WDR19: variants seen among roughly 807,000 people sequenced by gnomAD.
WDR19 encodes WD repeat-containing protein 19.
In WDR19, 121 loss-of-function variants were observed where a neutral mutation model predicts 180.0. That is an observed-to-expected ratio of 0.67 (90% CI 0.58 to 0.78). The LOEUF (loss-of-function observed/expected upper bound fraction) is 0.78. WDR19 is among the 30% of genes least tolerant of loss of function. The pLI, the probability that WDR19 is intolerant of heterozygous loss-of-function variation, is 0.00. For synonymous variants in WDR19, 497 were observed against 540.7 expected, an observed-to-expected ratio of 0.92 and a Z score of 1.12; for missense variants, 1,450 against 1,640.7, an observed-to-expected ratio of 0.88 and a Z score of 2.01.
At chr4:39,216,270 A>G in intron 12 of WDR19, 60 bp downstream of exon 12, 2 of 1,343,264 alleles carry the variant, frequency 1.5e-6, no homozygotes, top group Non-Finnish European at 2.0e-6. Context: ...CTTATTTGGG[A>G]AGCACTGCAA....
intron 9 of WDR19, among the ~76,000 whole-genome samples, chr4:39,207,684 G>T (rs533606660): frequency 1.3e-5 from 2 of 152,120 alleles, no homozygotes; most frequent in African/African-American, 4.8e-5. Flanking sequence ...TGAAATAAAA[G>T]CATTTTTAGA....
chr4:39,186,707 T>C, intron 3 of WDR19, 103 bp downstream of exon 3: 1 of 776,702 alleles, frequency 1.3e-6, no homozygotes, highest in Non-Finnish European at 2.0e-6. Context: ...CTTTTGCTTC[T>C]TCCATTTGCA....
At chr4:39,247,872 G>A (rs1236702975) in intron 24 of WDR19, among the ~76,000 whole-genome samples, 7 of 152,166 alleles carry the variant, frequency 4.6e-5, no homozygotes, top group South Asian at 2.1e-4. Context: ...CCAAATCTAC[G>A]TCTAATTGGT....
chr4:39,247,719 G>A (rs1180571388), intron 24 of WDR19, among the ~76,000 whole-genome samples: 1 of 152,162 alleles, frequency 6.6e-6, no homozygotes, highest in African/African-American at 2.4e-5. Context: ...ACAAGCCTCA[G>A]TAACCGATGT....
chr4:39,214,138 T>C (rs1248439919), intron 9 of WDR19, among the ~76,000 whole-genome samples: 1 of 152,220 alleles, frequency 6.6e-6, no homozygotes, highest in Non-Finnish European at 1.5e-5. Context: ...AACCTGATCC[T>C]TCTGATCCAA....
chr4:39,206,672 A>G (rs1442952121), intron 9 of WDR19, among the ~76,000 whole-genome samples: 1 of 152,220 alleles, frequency 6.6e-6, no homozygotes, highest in South Asian at 2.1e-4. Context: ...CCTTAAGCGC[A>G]TATGTATAGA....
chr4:39,248,045 A>G (rs1037966775), intron 24 of WDR19, among the ~76,000 whole-genome samples: 14 of 152,244 alleles, frequency 9.2e-5, no homozygotes, highest in Admixed American at 2.6e-4. Context: ...TCCAAGACAC[A>G]TAATTGTCAG....
intron 14 of WDR19, among the ~76,000 whole-genome samples, chr4:39,220,870 ATTTTTTTTTTT>A (rs34845614): frequency 8.2e-5 from 5 of 60,636 alleles, no homozygotes; most frequent in South Asian, 6.8e-4. Context: ...CTGCTAATTA[ATTTTTTTTTTT>A]TTTTTTTTTT....
chr4:39,265,065 C>T (rs1029750979), intron 28 of WDR19, among the ~76,000 whole-genome samples: 3 of 151,724 alleles, frequency 2.0e-5, no homozygotes, highest in South Asian at 2.1e-4. Context: ...ATTACAGGCA[C>T]GCACTACCAC....
At chr4:39,252,503 TATA>T (rs994750967) in intron 24 of WDR19, among the ~76,000 whole-genome samples, 64 of 149,154 alleles carry the variant, frequency 4.3e-4, no homozygotes, top group African/African-American at 1.5e-3. Context: ...AAACTTAAAG[TATA>T]ATAATAAAAA....
At position 39,245,578 on chromosome 4, in the gene WDR19, C is replaced by T. The variant is rs572120401; in HGVS notation, c.2729+126C>T. On this transcript the variant is annotated intron_variant, in intron 24 of 36. Transcript: ENST00000399820. ...AGACAGAAAACACCTTTAATTACCCCTTGTTGGCCTGAAGTGCCAGACTAT... is the reference window on the plus strand; with the variant it reads ...AGACAGAAAACACCTTTAATTACCCTTTGTTGGCCTGAAGTGCCAGACTAT... 6 of 912,574 alleles carry T rather than the reference C, an allele frequency of 6.6e-6. No homozygotes were observed. In the East Asian group the frequency reaches 8.0e-5, roughly 12 times the overall value. 56.5% of individuals were successfully genotyped at this position (912,574 alleles called of 1,614,324 possible).
At chr4:39,185,637 A>G (rs1725432119) in intron 1 of WDR19, 89 bp from the exon 2 acceptor site, 4 of 1,199,804 alleles carry the variant, frequency 3.3e-6, no homozygotes, top group Non-Finnish European at 4.8e-6. Context: ...CTATGAAAAC[A>G]TGGTTTTCAT....
chr4:39,242,642 C>T (rs56009503), intron 21 of WDR19, among the ~76,000 whole-genome samples: 53,082 of 151,946 alleles, frequency 0.35, 9,545 homozygotes, highest in African/African-American at 0.43. Context: ...GACAACAAAG[C>T]AAGACCCCCA....
chr4:39,188,582 G>C (rs1188827649), intron 3 of WDR19, among the ~76,000 whole-genome samples: 2 of 142,474 alleles, frequency 1.4e-5, no homozygotes, highest in East Asian at 4.0e-4. Context: ...TCGCACCACC[G>C]CACTCCAGCC....
At chr4:39,245,000 G>A (rs1202431866) in intron 23 of WDR19, among the ~76,000 whole-genome samples, 3 of 145,914 alleles carry the variant, frequency 2.1e-5, no homozygotes, top group South Asian at 2.1e-4. Flanking sequence ...CAGCTGGCAC[G>A]ATCTCAGCTC....
chr4:39,214,772 AATT>A, intron 10 of WDR19, 101 bp downstream of exon 10: 10 of 696,060 alleles, frequency 1.4e-5, no homozygotes, highest in Non-Finnish European at 1.9e-5. Context: ...TAGGAGGAAT[AATT>A]TTTTTTTTTT....
At chr4:39,203,821 T>C in intron 7 of WDR19, 99 bp downstream of exon 7, 1 of 1,160,886 alleles carries the variant, frequency 8.6e-7, no homozygotes, top group Non-Finnish European at 1.3e-6. Context: ...ATAAATAAAT[T>C]AGGTCCATTG....
At chr4:39,270,199 T>A in intron 31 of WDR19, 99 bp downstream of exon 31, 1 of 1,463,910 alleles carries the variant, frequency 6.8e-7, no homozygotes, top group Non-Finnish European at 9.4e-7. Flanking sequence ...AGTGATTGTC[T>A]AGATGTCTGT....
intron 29 of WDR19, among the ~76,000 whole-genome samples, chr4:39,266,855 G>T (rs572765018): frequency 6.6e-6 from 1 of 152,186 alleles, no homozygotes; most frequent in Non-Finnish European, 1.5e-5. Flanking sequence ...AGGCCAAGGC[G>T]GGTGGATCAC....
Sources: gnomAD v4.1 joint callset for allele counts (sites outside exome capture counted in the v4.1 genomes callset) on GRCh38, gnomAD v4.1.1 for gene constraint, MANE v1.5 for transcripts, NCBI Gene and HGNC (gene_info 2026-07-23, HGNC 2026-07-21) for gene names.